CFDP1: variants seen among roughly 807,000 people sequenced by gnomAD.
CFDP1 encodes chromatin remodeling protein CFDP1, also known as heterochromatin-stabilizing protein CFDP1.
Under a neutral mutation model 40.1 loss-of-function variants are expected in CFDP1, and 31 were observed. The observed-to-expected ratio is 0.77, with a 90% CI of 0.58 to 1.04. CFDP1 has a LOEUF of 1.04. CFDP1 is among the 50% of genes least tolerant of loss of function. CFDP1 has a pLI of 0.00. For synonymous variants in CFDP1, 167 were observed against 120.0 expected, an observed-to-expected ratio of 1.39 and a Z score of -2.56; for missense variants, 423 against 343.4, an observed-to-expected ratio of 1.23 and a Z score of -1.83.
chr16:75,402,427 AG>A (rs1351420017), intron 4 of CFDP1, among the ~76,000 whole-genome samples: 13 of 152,214 alleles, frequency 8.5e-5, no homozygotes, highest in Non-Finnish European at 1.6e-4. Flanking sequence ...GTGATAGGGC[AG>A]AATACAAAAT....
intron 5 of CFDP1, 25 bp downstream of exon 5, chr16:75,395,065 C>A (rs1451425208): frequency 6.2e-7 from 1 of 1,612,830 alleles, no homozygotes; most frequent in South Asian, 1.1e-5. Context: ...CCAAGTACAT[C>A]AGGGAGTGAG....
chr16:75,305,463 C>T (rs1291853780), intron 5 of CFDP1: 2 of 332,868 alleles, frequency 6.0e-6, no homozygotes, highest in Non-Finnish European at 1.1e-5. Context: ...CAGGTCTCTG[C>T]TTGCAAGGAG....
Position 75,410,055 on chromosome 16 carries a change from CAAAAAAAAAAAAAA to C in CFDP1, c.530+1756_530+1769del, listed in dbSNP as rs150987819. Among the ~76,000 whole-genome samples, 276 of 52,550 alleles carry C rather than the reference CAAAAAAAAAAAAAA, an allele frequency of 5.3e-3. 2 individuals are homozygous for C. The highest frequency in any genetic ancestry group is 0.02 in the African/African-American group (254 of 12,538). 34.5% of individuals were successfully genotyped at this position (52,550 alleles called of 152,430 possible). ...TAGGCAACACAGCAAGACCCTTTCT[CAAAAAAAAAAAAAA>C]AAAAAAAAAAAAAAAAACCCAAAAC... On this transcript the variant is annotated intron_variant, in intron 4 of 6. Coordinates refer to ENST00000283882, the MANE Select transcript of CFDP1 (RefSeq NM_006324.3).
At chr16:75,315,575 T>C (rs942196741) in intron 5 of CFDP1, among the ~76,000 whole-genome samples, 7 of 152,126 alleles carry the variant, frequency 4.6e-5, no homozygotes, top group Non-Finnish European at 8.8e-5. Context: ...CCCAACTTTA[T>C]AGTTTGAAAA....
intron 4 of CFDP1, among the ~76,000 whole-genome samples, chr16:75,401,839 T>A (rs2079057518): frequency 7.9e-6 from 1 of 126,300 alleles, no homozygotes; most frequent in Non-Finnish European, 1.8e-5. Context: ...CACTGTTAGA[T>A]GTTGAACATA....
intron 5 of CFDP1, among the ~76,000 whole-genome samples, chr16:75,376,957 C>T (rs2078804279): frequency 6.6e-6 from 1 of 152,212 alleles, no homozygotes; most frequent in East Asian, 1.9e-4. Context: ...CAGAACTGCC[C>T]TGAGCTGCTA....
chr16:75,338,249 A>G (rs2078503405), intron 5 of CFDP1, among the ~76,000 whole-genome samples: 1 of 152,184 alleles, frequency 6.6e-6, no homozygotes, highest in South Asian at 2.1e-4. Context: ...GGGGGGGAAA[A>G]AGAGCCTCTG....
chr16:75,402,065 C>A (rs1422858195), intron 4 of CFDP1, among the ~76,000 whole-genome samples: 1 of 152,146 alleles, frequency 6.6e-6, no homozygotes, highest in Non-Finnish European at 1.5e-5. Context: ...ATCTCAGGAA[C>A]TTTAGTAATT....
chr16:75,322,369 CT>C (rs1307275330), intron 5 of CFDP1, among the ~76,000 whole-genome samples: 1 of 152,156 alleles, frequency 6.6e-6, no homozygotes, highest in African/African-American at 2.4e-5. Flanking sequence ...TCATGTGTTG[CT>C]TATGTTCTGA....
intron 5 of CFDP1, among the ~76,000 whole-genome samples, chr16:75,317,460 G>A (rs2078331248): frequency 6.6e-6 from 1 of 152,192 alleles, no homozygotes; most frequent in Non-Finnish European, 1.5e-5. Flanking sequence ...AAGGCCAGGG[G>A]GCTCTCCAAG....
intron 5 of CFDP1, among the ~76,000 whole-genome samples, chr16:75,329,698 G>C (rs1363165051): frequency 6.6e-6 from 1 of 152,196 alleles, no homozygotes; most frequent in African/African-American, 2.4e-5. Flanking sequence ...AATAAAGACT[G>C]TCTACATGTG....
chr16:75,416,931 T>C (rs2079213397), intron 1 of CFDP1, among the ~76,000 whole-genome samples: 1 of 151,740 alleles, frequency 6.6e-6, no homozygotes, highest in African/African-American at 2.4e-5. Context: ...GAGCAGTGAG[T>C]TCCTGCTTAA....
At chr16:75,419,216 G>A (rs2079248127) in intron 1 of CFDP1, 1 of 161,456 alleles carries the variant, frequency 6.2e-6, no homozygotes. Flanking sequence ...ACAGGTAATT[G>A]TTAGAAAATG....
At chr16:75,368,189 A>C (rs1234980586) in intron 5 of CFDP1, among the ~76,000 whole-genome samples, 1 of 152,230 alleles carries the variant, frequency 6.6e-6, no homozygotes, top group East Asian at 1.9e-4. Context: ...CAAAAAACTT[A>C]CGATACAATT....
chr16:75,388,371 A>T (rs535568475), intron 5 of CFDP1, among the ~76,000 whole-genome samples: 2 of 152,246 alleles, frequency 1.3e-5, no homozygotes, highest in Non-Finnish European at 2.9e-5. Flanking sequence ...TATGTTTGGT[A>T]TTTAATCTAG....
chr16:75,316,215 G>C (rs1485586582), intron 5 of CFDP1, among the ~76,000 whole-genome samples: 1 of 152,192 alleles, frequency 6.6e-6, no homozygotes, highest in African/African-American at 2.4e-5. Context: ...CCTTGGGTAA[G>C]GTTGTGACGG....
At chr16:75,357,344 T>A (rs1321879929) in intron 5 of CFDP1, among the ~76,000 whole-genome samples, 1 of 152,150 alleles carries the variant, frequency 6.6e-6, no homozygotes, top group Admixed American at 6.6e-5. Context: ...AACCTCCACC[T>A]CCCGAGTTCA....
chr16:75,316,839 C>G (rs905340313), intron 5 of CFDP1, among the ~76,000 whole-genome samples: 2 of 151,932 alleles, frequency 1.3e-5, no homozygotes, highest in Admixed American at 1.3e-4. Context: ...CGTGGAGGCG[C>G]ATGCCTGTAA....
chr16:75,363,942 A>AACACACACACAC (rs10635711), intron 5 of CFDP1, among the ~76,000 whole-genome samples: 2,826 of 142,880 alleles, frequency 0.02, 51 homozygotes, highest in Middle Eastern at 0.056. Flanking sequence ...AAAGAGGTGA[A>AACACACACACAC]ACACACACAC....
Sources: gnomAD v4.1 joint callset for allele counts (sites outside exome capture counted in the v4.1 genomes callset) on GRCh38, gnomAD v4.1.1 for gene constraint, MANE v1.5 for transcripts, NCBI Gene and HGNC (gene_info 2026-07-23, HGNC 2026-07-21) for gene names.